The following SPATA31H1 variants were observed in gnomAD, a reference collection of about 807,000 sequenced individuals.
The protein encoded by SPATA31H1 is SPATA31 subfamily H member 1.
chr2:27,549,373 G>C, the SPATA31H1 span, among the ~76,000 whole-genome samples: 1 of 151,262 alleles, frequency 6.6e-6, no homozygotes, highest in Admixed American at 6.6e-5. Context: ...GGATCTCTTT[G>C]TGTTGTCCAG....
chr2:27,582,197 A>C, the SPATA31H1 span: 1 of 1,612,962 alleles, frequency 6.2e-7, no homozygotes, highest in Non-Finnish European at 8.5e-7. Context: ...CCTCTGGGAA[A>C]ACCTGTCACA....
the SPATA31H1 span, among the ~76,000 whole-genome samples, chr2:27,547,706 T>C: frequency 6.6e-6 from 1 of 152,028 alleles, no homozygotes; most frequent in Non-Finnish European, 1.5e-5. Context: ...ATCTCAATAA[T>C]AGTTTTCAAT....
chr2:27,580,667 C>A, the SPATA31H1 span: 1 of 1,614,216 alleles, frequency 6.2e-7, no homozygotes, highest in Non-Finnish European at 8.5e-7. Flanking sequence ...AAACAGCACA[C>A]AGAGTTATAG....
chr2:27,575,664 T>C, the SPATA31H1 span: 1 of 398,484 alleles, frequency 2.5e-6, no homozygotes, highest in Non-Finnish European at 4.4e-6. This position sits in a 1 kb window ranked among gnomAD's most constrained non-coding sequence, Gnocchi z 4.1. Flanking sequence ...ACCACATCAG[T>C]GTGTAAATTC....
chr2:27,577,385 T>C, the SPATA31H1 span: 5 of 1,613,940 alleles, frequency 3.1e-6, no homozygotes, highest in South Asian at 3.3e-5. This position sits in a 1 kb window ranked among gnomAD's most constrained non-coding sequence, Gnocchi z 4.5. Context: ...AACTCAAGCA[T>C]TACTTTACAG....
chr2:27,555,256 T>C, the SPATA31H1 span, among the ~76,000 whole-genome samples: 1 of 152,060 alleles, frequency 6.6e-6, no homozygotes, highest in Non-Finnish European at 1.5e-5. Flanking sequence ...TCACTACTTC[T>C]ATTCAACATT....
chr2:27,563,715 ATG>A, the SPATA31H1 span, among the ~76,000 whole-genome samples: 1 of 151,796 alleles, frequency 6.6e-6, no homozygotes, highest in Non-Finnish European at 1.5e-5. Context: ...GCACGCCACC[ATG>A]CCTGGCTAAT....
At chr2:27,543,214 C>T in the SPATA31H1 span, among the ~76,000 whole-genome samples, 4 of 152,044 alleles carry the variant, frequency 2.6e-5, no homozygotes, top group South Asian at 4.1e-4. Context: ...CATTTCCAAA[C>T]CTTTTTTGAC....
the SPATA31H1 span, among the ~76,000 whole-genome samples, chr2:27,540,594 G>T: frequency 7.0e-6 from 1 of 143,798 alleles, no homozygotes; most frequent in Admixed American, 6.7e-5. Context: ...TTCCCAGACG[G>T]GGTGGCTGCC....
chr2:27,577,314 G>A, the SPATA31H1 span: 5 of 1,614,114 alleles, frequency 3.1e-6, no homozygotes, highest in Non-Finnish European at 4.2e-6. This position sits in a 1 kb window ranked among gnomAD's most constrained non-coding sequence, Gnocchi z 4.5. Context: ...AGTTAAGGAT[G>A]TGGGGGAGTT....
chr2:27,570,428 C>G, the SPATA31H1 span: 1 of 398,748 alleles, frequency 2.5e-6, no homozygotes, highest in South Asian at 1.3e-4. Flanking sequence ...TGCAAGGTGT[C>G]AATTCTGCGG....
chr2:27,577,076 A>C, the SPATA31H1 span: 3 of 1,614,058 alleles, frequency 1.9e-6, no homozygotes, highest in Non-Finnish European at 2.5e-6. The surrounding 1 kb of genome is among the most constrained non-coding windows in gnomAD (Gnocchi z 4.5). Flanking sequence ...AAGGATTGGC[A>C]TATAAAGGCA....
chr2:27,538,299 TG>T, the SPATA31H1 span, among the ~76,000 whole-genome samples: 2 of 152,242 alleles, frequency 1.3e-5, no homozygotes, highest in South Asian at 4.1e-4. Flanking sequence ...ATGAATCACC[TG>T]GGGGATCTTG....
the SPATA31H1 span, among the ~76,000 whole-genome samples, chr2:27,544,909 C>T: frequency 9.9e-5 from 15 of 151,564 alleles, no homozygotes; most frequent in Non-Finnish European, 1.9e-4. Context: ...GGGGACCCAG[C>T]GTATATTGAA....
At chr2:27,578,688 G>A in the SPATA31H1 span, 4 of 1,614,112 alleles carry the variant, frequency 2.5e-6, no homozygotes, top group Non-Finnish European at 3.4e-6. Context: ...TTTGAATCTA[G>A]GACACGTGTG....
chr2:27,578,990 C>T, the SPATA31H1 span: 1 of 1,614,136 alleles, frequency 6.2e-7, no homozygotes. Flanking sequence ...AGACAGCTAA[C>T]ATTGTGGAAA....
the SPATA31H1 span, among the ~76,000 whole-genome samples, chr2:27,546,178 C>T: frequency 6.6e-6 from 1 of 151,992 alleles, no homozygotes; most frequent in Non-Finnish European, 1.5e-5. Context: ...ACCAAAAGTT[C>T]TAAATTTTAA....
chr2:27,577,245 C>T, the SPATA31H1 span: 1 of 1,613,952 alleles, frequency 6.2e-7, no homozygotes. This position sits in a 1 kb window ranked among gnomAD's most constrained non-coding sequence, Gnocchi z 4.5. Flanking sequence ...AGGATTAACT[C>T]CAGAGAAAAG....
chr2:27,566,150 A>C, the SPATA31H1 span: 1 of 717,154 alleles, frequency 1.4e-6, no homozygotes, highest in South Asian at 1.5e-5. Flanking sequence ...TGTGAAAGTT[A>C]GACGTAAAGT....
Sources: gnomAD v4.1 joint callset for allele counts (sites outside exome capture counted in the v4.1 genomes callset) on GRCh38, gnomAD v4.1.1 for gene constraint, Gnocchi (gnomAD v3.1) non-coding constraint, MANE v1.5 for transcripts, NCBI Gene and HGNC (gene_info 2026-07-23, HGNC 2026-07-21) for gene names.